CYFIP2: variants seen among roughly 807,000 people sequenced by gnomAD.
CYFIP2 encodes cytoplasmic FMR1 interacting protein 2.
CYFIP2 carries 29 observed loss-of-function variants against 158.7 expected under a neutral mutation model. That is an observed-to-expected ratio of 0.18 (90% confidence interval 0.14 to 0.25). The LOEUF (loss-of-function observed/expected upper bound fraction) is 0.25, where lower values mean the gene tolerates loss of function less well. Ranked by LOEUF, CYFIP2 falls within the 10% of genes least tolerant of loss-of-function variation. The pLI is 1.00. For missense variants in CYFIP2, 852 were observed against 1,639.5 expected, an observed-to-expected ratio of 0.52 and a Z score of 8.29; for synonymous variants, 585 against 617.6, an observed-to-expected ratio of 0.95 and a Z score of 0.78.
At chr5:157,322,457 A>G (rs1420268982) in intron 15 of CYFIP2, among the ~76,000 whole-genome samples, 1 of 152,250 alleles carries the variant, frequency 6.6e-6, no homozygotes, top group African/African-American at 2.4e-5. Context: ...CAGTTTTCAG[A>G]GAATTAGAGT....
chr5:157,365,541 T>C (rs899096456), intron 26 of CYFIP2: 1 of 152,118 alleles, frequency 6.6e-6, no homozygotes, highest in African/African-American at 2.4e-5. Context: ...TAGGGTGTTC[T>C]GGTGGTTTCA....
At chr5:157,320,564 C>A in intron 14 of CYFIP2, 91 bp from the exon 15 acceptor site, 1 of 1,532,240 alleles carries the variant, frequency 6.5e-7, no homozygotes, top group South Asian at 1.2e-5. Context: ...TGTGGGTGTT[C>A]CTGGGACACC....
Position 157,342,901 on chromosome 5 carries a change from AC to A in CYFIP2, c.2673+1751del, listed in dbSNP as rs748255153. On this transcript the variant is annotated intron_variant, in intron 23 of 30. Transcript: ENST00000620254. ...GAGGCAGTATAGCGGGTGGGTCACCACCCCCCCTCTGTAAGGCACCCGCATC... is the reference window on the plus strand; with the variant it reads ...GAGGCAGTATAGCGGGTGGGTCACCACCCCCCTCTGTAAGGCACCCGCATC... 3.1e-6 allele frequency: 5 copies of A among 1,613,406 alleles called. No individual in the cohort carries two copies. The South Asian group carries it at 4.4e-5, about 14-fold the overall frequency.
At chr5:157,349,318 AT>A (rs1480270246) in intron 23 of CYFIP2, among the ~76,000 whole-genome samples, 6 of 152,016 alleles carry the variant, frequency 3.9e-5, no homozygotes, top group African/African-American at 1.5e-4. Context: ...ATCATTCTTA[AT>A]GCCTTTCTGT....
At chr5:157,343,378 C>T in intron 23 of CYFIP2, 1 of 1,614,202 alleles carries the variant, frequency 6.2e-7, no homozygotes, top group Non-Finnish European at 8.5e-7. Flanking sequence ...TTCGAGGCAC[C>T]TTCTCCTCGT....
At chr5:157,359,227 T>C (rs1390622410) in intron 24 of CYFIP2, 79 bp downstream of exon 24, 2 of 1,557,980 alleles carry the variant, frequency 1.3e-6, no homozygotes, top group African/African-American at 1.4e-5. Flanking sequence ...ACTTTTTACC[T>C]GGCCTGTAAA....
At chr5:157,310,174 C>T (rs1759588928) in intron 10 of CYFIP2, among the ~76,000 whole-genome samples, 1 of 152,214 alleles carries the variant, frequency 6.6e-6, no homozygotes, top group African/African-American at 2.4e-5. Context: ...CGTTGTTCCT[C>T]CTCACACTGA....
chr5:157,274,509 T>C (rs567761140), intron 1 of CYFIP2, among the ~76,000 whole-genome samples: 22 of 152,368 alleles, frequency 1.4e-4, no homozygotes, highest in African/African-American at 4.8e-4. Flanking sequence ...TTTTTAGCTA[T>C]TACAAATAAT....
At chr5:157,325,756 G>A in intron 17 of CYFIP2, 118 bp downstream of exon 17, 2 of 1,095,084 alleles carry the variant, frequency 1.8e-6, no homozygotes, top group African/African-American at 1.6e-5. Flanking sequence ...GAGGCCATAT[G>A]TCCCACCACA....
intron 24 of CYFIP2, 46 bp from the exon 25 acceptor site, chr5:157,360,236 C>CA: frequency 6.5e-7 from 1 of 1,533,348 alleles, no homozygotes; most frequent in Non-Finnish European, 9.0e-7. Context: ...CCATACCCCG[C>CA]ATAGCCCAGA....
chr5:157,296,684 C>T lies in CYFIP2; in HGVS notation c.297C>T (p.Asn99=), dbSNP rs139530784. The change falls in exon 5 of 31, where the codon AAC becomes AAT. Residue 99 remains asparagine, a synonymous_variant. Transcript: ENST00000620254. The part of the protein sequence containing the change: ...CSRAIPQVKC[N]EQPNRVEIYE... ...ATTATCCCCCACAGGTGAAATGCAA[C>T]GAGCAGCCCAACCGAGTAGAGATCT... is the stretch of plus-strand genomic sequence containing the variant. The T allele has an allele frequency of 1.1e-4, 181 of 1,613,550 alleles. No individual in the cohort carries two copies. In the African/African-American group the frequency reaches 1.4e-3, roughly 12 times the overall value.
intron 28 of CYFIP2, chr5:157,384,609 G>A (rs569761255): frequency 9.7e-5 from 41 of 424,850 alleles, no homozygotes; most frequent in African/African-American, 4.7e-4. Context: ...CCCGGCCCCC[G>A]CATGCCACCA....
chr5:157,348,661 C>T (rs1208799430), intron 23 of CYFIP2, among the ~76,000 whole-genome samples: 2 of 152,198 alleles, frequency 1.3e-5, no homozygotes, highest in South Asian at 2.1e-4. Flanking sequence ...ATCCACCCAC[C>T]TCAGCCTCCC....
intron 26 of CYFIP2, among the ~76,000 whole-genome samples, chr5:157,378,751 C>T (rs944559782): frequency 3.3e-5 from 5 of 152,084 alleles, no homozygotes; most frequent in African/African-American, 9.7e-5. Flanking sequence ...ATAAAGCAGG[C>T]GACTGACAGA....
In CYFIP2 at chr5:157,383,313, C is replaced by A. The variant is rs1421214095; in HGVS notation, c.3161C>A (p.Ala1054Asp). 1.2e-6 allele frequency: 2 copies of A among 1,613,832 alleles called. No homozygotes were observed. The highest frequency in any genetic ancestry group is 2.7e-5 in the African/African-American group (2 of 75,004). ...ATGAAACGTCTGGAAGCCAAGTATG[C>A]CCCGCTCCACCTGGTCCCTCTGATC... ...VRMKRLEAKY[A>D]PLHLVPLIER... Residue 1054 changes from alanine (A) to aspartate (D), a missense_variant, in exon 28 of 31, where the codon GCC becomes GAC. Transcript: ENST00000620254.
At position 157,380,699 on chromosome 5, in the gene CYFIP2, A is replaced by G. The variant is rs76079713; in HGVS notation, c.3040-1891A>G. Among the ~76,000 whole-genome samples, 112 of 152,372 alleles carry G rather than the reference A, an allele frequency of 7.4e-4. 1 individual carries two copies. Among genetic ancestry groups the G allele is most frequent in the African/African-American group, 2.5e-3 (105 of 41,592 alleles). On this transcript the variant is annotated intron_variant, in intron 26 of 30. Transcript: ENST00000620254. Reference sequence around the variant, plus strand: ...TAAAATCGAGCAATACATCAAAAGTATAATATAATCAAGTGGGTTTATTTC... The same window carrying G: ...TAAAATCGAGCAATACATCAAAAGTGTAATATAATCAAGTGGGTTTATTTC...
chr5:157,281,940 G>A (rs1757021721), intron 1 of CYFIP2, among the ~76,000 whole-genome samples: 1 of 152,068 alleles, frequency 6.6e-6, no homozygotes, highest in South Asian at 2.1e-4. Flanking sequence ...GGGTAAATGA[G>A]TGCATGCTCT....
chr5:157,345,943 C>G (rs571211940), intron 23 of CYFIP2, among the ~76,000 whole-genome samples: 1 of 152,160 alleles, frequency 6.6e-6, no homozygotes, highest in South Asian at 2.1e-4. Flanking sequence ...CCTCTTTGGC[C>G]AATGGTTTTA....
intron 23 of CYFIP2, chr5:157,343,432 G>A (rs553969639): frequency 3.7e-6 from 6 of 1,614,180 alleles, no homozygotes; most frequent in Admixed American, 1.7e-5. Flanking sequence ...TGCTGTTCCA[G>A]TTGGGCCTGT....
Sources: gnomAD v4.1 joint callset for allele counts (sites outside exome capture counted in the v4.1 genomes callset) on GRCh38, gnomAD v4.1.1 for gene constraint, MANE v1.5 for transcripts, NCBI Gene and HGNC (gene_info 2026-07-23, HGNC 2026-07-21) for gene names.